Variants in TBX19 observed in about 807,000 individuals in gnomAD.
The protein encoded by TBX19 is T-box transcription factor TBX19.
Under a neutral mutation model 40.9 loss-of-function variants are expected in TBX19, and 33 were observed. The observed-to-expected ratio is 0.81, with a 90% CI of 0.61 to 1.08. The LOEUF (loss-of-function observed/expected upper bound fraction) is 1.08, where lower values mean the gene tolerates loss of function less well. TBX19 is among the 50% of genes least tolerant of loss of function. TBX19 has a pLI of 0.00. For missense variants in TBX19, 494 were observed against 574.0 expected (o/e 0.86, Z 1.42); for synonymous variants, 220 against 225.0 (o/e 0.98, Z 0.20).
At chr1:168,306,593 T>A (rs1649409490) in intron 6 of TBX19, among the ~76,000 whole-genome samples, 2 of 133,554 alleles carry the variant, frequency 1.5e-5, no homozygotes, top group South Asian at 4.5e-4. Context: ...GCCACTGCAC[T>A]CTAGCCTGGG....
At chr1:168,287,549 T>A (rs1648834214) in intron 1 of TBX19, among the ~76,000 whole-genome samples, 2 of 152,240 alleles carry the variant, frequency 1.3e-5, no homozygotes, top group African/African-American at 4.8e-5. Flanking sequence ...TCCTCCCATC[T>A]TGGCCTCTCA....
Position 168,287,047 on chromosome 1 carries a change from A to T in TBX19, c.204-4113A>T, listed in dbSNP as rs550891235. ...CATCAGGTACAGCTCTGACCATAGCATGAAAGATGGAAAGCCATTACACAT... is the reference window on the plus strand; with the variant it reads ...CATCAGGTACAGCTCTGACCATAGCTTGAAAGATGGAAAGCCATTACACAT... On this transcript the variant is annotated intron_variant, in intron 1 of 7. Transcript: ENST00000367821. 3.3e-4 allele frequency among the ~76,000 whole-genome samples: 51 copies of T among 152,366 alleles called. 1 individual carries two copies. The South Asian group carries it at 0.01, about 31-fold the overall frequency.
chr1:168,306,676 G>A (rs547479512), intron 6 of TBX19, among the ~76,000 whole-genome samples: 3 of 149,652 alleles, frequency 2.0e-5, no homozygotes, highest in East Asian at 2.0e-4. Flanking sequence ...GGAGGAGCTC[G>A]GGGTTACACA....
chr1:168,298,917 T>C (rs867229762), intron 4 of TBX19, among the ~76,000 whole-genome samples: 1 of 142,504 alleles, frequency 7.0e-6, no homozygotes, highest in Non-Finnish European at 1.5e-5. Flanking sequence ...CTCTCTTTCT[T>C]TCATTCTTCC....
chr1:168,305,046 A>C lies in TBX19; in HGVS notation c.766A>C (p.Thr256Pro), dbSNP rs768852976. The C allele has an allele frequency of 3.2e-5, 51 of 1,614,050 alleles. 1 individual carries two copies. In the South Asian group the frequency reaches 3.8e-4, roughly 12 times the overall value. ...CTTTTCCAATCCAGATGGAGTGTGC[A>C]CAGCAGGAAACTCCAATTACCAGTA... ...WIFSNPDGVCTAGNSNYQYAA... is the reference protein window; with the variant it reads ...WIFSNPDGVCPAGNSNYQYAA... The change falls in exon 6 of 8, where the codon ACA (threonine) becomes CCA (proline). Residue 256 changes from threonine to proline, a missense_variant. Physicochemically the swap from Thr to Pro is conservative, Grantham distance 38. Around this residue, in one of 3 missense-constraint regions of TBX19, gnomAD observed 284 missense variants for 307.3 expected, o/e 0.92. Transcript: ENST00000367821.
chr1:168,291,411 A>G lies in TBX19; in HGVS notation c.455A>G (p.Asn152Ser), dbSNP rs756353479. ...FSKVKLTNKL[N>S]GGGQIMLNSL... ...AAAGTGAAGCTGACCAACAAGCTCA[A>G]TGGAGGCGGGCAGGTACGAATGAGG... The change falls in exon 2 of 8, where the codon AAT becomes AGT. Residue 152 changes from asparagine to serine, a missense_variant. Asn to Ser is a conservative substitution (Grantham distance 46). Transcript: ENST00000367821. 105 of 1,613,994 alleles carry G rather than the reference A, an allele frequency of 6.5e-5. No individual in the cohort carries two copies. Among genetic ancestry groups the G allele is most frequent in the Admixed American group, 3.7e-4 (22 of 59,998 alleles).
chr1:168,307,030 C>A (rs542197055), intron 6 of TBX19, among the ~76,000 whole-genome samples: 1 of 152,138 alleles, frequency 6.6e-6, no homozygotes, highest in South Asian at 2.1e-4. Flanking sequence ...GGCAGAGGTG[C>A]AGGGCATTCC....
At chr1:168,309,890 A>C (rs1288957950) in intron 7 of TBX19, among the ~76,000 whole-genome samples, 1 of 152,224 alleles carries the variant, frequency 6.6e-6, no homozygotes, top group Non-Finnish European at 1.5e-5. Flanking sequence ...TCAAATGCAG[A>C]AATGAGAAAA....
chr1:168,301,270 C>CT (rs35805859), intron 5 of TBX19, among the ~76,000 whole-genome samples: 21,169 of 149,346 alleles, frequency 0.14, 2,092 homozygotes, highest in East Asian at 0.32. Flanking sequence ...GAAAAGCACT[C>CT]TTTTTTTTTT....
chr1:168,309,049 A>C (rs2102363295), intron 7 of TBX19, among the ~76,000 whole-genome samples, 172 bp downstream of exon 7: 1 of 152,266 alleles, frequency 6.6e-6, no homozygotes, highest in East Asian at 1.9e-4. Flanking sequence ...ATAAGGGGAG[A>C]AACAGCTCAG....
Position 168,288,845 on chromosome 1 carries a change from C to T in TBX19, c.204-2315C>T, listed in dbSNP as rs188624206. On this transcript the variant is annotated intron_variant, in intron 1 of 7. Coordinates refer to ENST00000367821, the MANE Select transcript of TBX19 (RefSeq NM_005149.3). ...GTGTGATAATAGCTCACTACAGCCC[C>T]GACCTTCCATGCTCAAGTGATCCTC... 4.4e-3 allele frequency among the ~76,000 whole-genome samples: 664 copies of T among 152,186 alleles called. 7 individuals are homozygous for T. The highest frequency in any genetic ancestry group is 0.015 in the African/African-American group (628 of 41,522).
intron 4 of TBX19, among the ~76,000 whole-genome samples, chr1:168,298,171 G>C (rs1209672584): frequency 1.3e-5 from 2 of 152,188 alleles, no homozygotes; most frequent in Non-Finnish European, 2.9e-5. Flanking sequence ...ATTCCAGCCT[G>C]GGCGACAGAG....
At position 168,313,241 on chromosome 1, in the gene TBX19, G is replaced by A. The variant is rs559089968; in HGVS notation, c.*239G>A. 5.1e-6 allele frequency: 3 copies of A among 589,922 alleles called. No individual in the cohort carries two copies. Among genetic ancestry groups the A allele is most frequent in the South Asian group, 2.0e-5 (1 of 50,366 alleles). 36.5% of individuals were successfully genotyped at this position (589,922 alleles called of 1,614,324 possible). A position where few individuals can be genotyped will look rare whatever the true frequency, so the allele number is the denominator to read the frequency against. ...CCCATTTTCTCTGCAGCTTATTCTT[G>A]CCATGCTTAGGTGACAGAAGTTTGT... On this transcript the variant is annotated 3_prime_UTR_variant, in exon 8 of 8. Transcript: ENST00000367821.
At chr1:168,302,874 G>A (rs945104799) in intron 5 of TBX19, among the ~76,000 whole-genome samples, 5 of 151,954 alleles carry the variant, frequency 3.3e-5, no homozygotes, top group Admixed American at 6.6e-5. Context: ...CTCTTCCTGC[G>A]TAACCACATT....
At position 168,308,785 on chromosome 1, in the gene TBX19, G is replaced by T. The variant is rs573571371; in HGVS notation, c.960G>T (p.Ser320=). ...CAAGCAATAATCTGCAAGTTTTCTC[G>T]GGACCTGACAGCTGGACTTCCTTAT... ...ESSSNNLQVF[S]GPDSWTSLSS... Residue 320 remains serine (S), a synonymous_variant, in exon 7 of 8, where the codon TCG becomes TCT. Coordinates refer to ENST00000367821, the MANE Select transcript of TBX19 (RefSeq NM_005149.3). 6 of 1,613,894 alleles carry T rather than the reference G, an allele frequency of 3.7e-6. No homozygotes were observed. Among genetic ancestry groups the T allele is most frequent in the Non-Finnish European group, 5.1e-6 (6 of 1,179,936 alleles).
chr1:168,304,934 A>G (rs1474760535), intron 5 of TBX19, 74 bp from the exon 6 acceptor site: 3 of 1,443,516 alleles, frequency 2.1e-6, no homozygotes, highest in African/African-American at 2.8e-5. Context: ...AGCTGTGTAA[A>G]GTAGCTGGTC....
chr1:168,284,822 T>A (rs144647320), intron 1 of TBX19, among the ~76,000 whole-genome samples: 1 of 151,794 alleles, frequency 6.6e-6, no homozygotes, highest in Non-Finnish European at 1.5e-5. Flanking sequence ...TTTTCTTTAC[T>A]TGTAACATTT....
chr1:168,306,835 C>T (rs558316146), intron 6 of TBX19, among the ~76,000 whole-genome samples: 1 of 152,180 alleles, frequency 6.6e-6, no homozygotes, highest in East Asian at 1.9e-4. Context: ...ATTTGAGAAA[C>T]AGTCTATAAA....
chr1:168,308,784 CG>C lies in TBX19; in HGVS notation c.962del (p.Gly321AspfsTer68), dbSNP rs773322886. 32 of 1,613,964 alleles carry C rather than the reference CG, an allele frequency of 2.0e-5. No homozygotes were observed. The highest frequency in any genetic ancestry group is 2.6e-5 in the Non-Finnish European group (31 of 1,180,020). The stretch of plus-strand genomic sequence containing the variant: ...TCAAGCAATAATCTGCAAGTTTTCT[CG>C]GGACCTGACAGCTGGACTTCCTTAT... ...ESSSNNLQVF[S>X]GPDSWTSLSS... On this transcript the variant is annotated frameshift_variant, in exon 7 of 8. Transcript: ENST00000367821. LOFTEE classifies it high-confidence loss of function.
Sources: gnomAD v4.1 joint callset for allele counts (sites outside exome capture counted in the v4.1 genomes callset) on GRCh38, gnomAD v4.1.1 for gene constraint, gnomAD v4.1.1 regional missense constraint, MANE v1.5 for transcripts, NCBI Gene and HGNC (gene_info 2026-07-23, HGNC 2026-07-21) for gene names.